SMARCA4: variants seen among roughly 807,000 people sequenced by gnomAD.
SMARCA4 encodes the protein SWI/SNF-related matrix-associated actin-dependent regulator of chromatin subfamily A member 4.
SMARCA4 carries 31 observed loss-of-function variants against 193.9 expected under a neutral mutation model. The ratio of observed to expected loss-of-function variants is 0.16; its 90% CI spans 0.12 to 0.22. The LOEUF (loss-of-function observed/expected upper bound fraction) is 0.22. Ranked by LOEUF, SMARCA4 falls within the 10% of genes least tolerant of loss-of-function variation. SMARCA4 has a pLI of 1.00. For synonymous variants in SMARCA4, 942 were observed against 933.1 expected (o/e 1.01, Z -0.17); for missense variants, 1,148 against 2,296.0 (o/e 0.50, Z 10.22).
chr19:11,046,948 C>CAAAAAAAAAAAAAAAAA (rs35450843), intron 30 of SMARCA4, among the ~76,000 whole-genome samples: 1 of 91,840 alleles, frequency 1.1e-5, no homozygotes, highest in African/African-American at 4.2e-5. Flanking sequence ...GACCCTGTTG[C>CAAAAAAAAAAAAAAAAA]AAAAAAAAAA....
intron 14 of SMARCA4, chr19:11,008,248 A>T (rs954343274): frequency 1.7e-5 from 8 of 484,748 alleles, no homozygotes; most frequent in African/African-American, 1.5e-4. Context: ...TACGAGGTAC[A>T]GTCAGGTGTG....
At chr19:10,977,021 C>T (rs1246784090) in intron 1 of SMARCA4, among the ~76,000 whole-genome samples, 5 of 150,658 alleles carry the variant, frequency 3.3e-5, no homozygotes, top group South Asian at 2.1e-4. Flanking sequence ...CGCACCACTG[C>T]GCTAAGCCTG....
In SMARCA4 at chr19:10,985,415, T is replaced by G; in HGVS notation, c.355+10T>G. 6.2e-7 allele frequency: 1 copy of G among 1,613,588 alleles called. No homozygotes were observed. The highest frequency in any genetic ancestry group is 1.1e-5 in the South Asian group (1 of 91,024). On this transcript the variant is annotated intron_variant, in intron 3 of 34. Coordinates refer to ENST00000344626, the MANE Select transcript of SMARCA4 (RefSeq NM_003072.5). The surrounding 1 kb of genome is among the most constrained non-coding windows in gnomAD (Gnocchi z 4.5). ...GACCAGCACTCCCAAGGTACAGAAC[T>G]GCGTTCCTTCCTGCCTTGTGTTTGT...
At chr19:11,059,086 G>A in intron 32 of SMARCA4, 197 bp downstream of exon 32, 1 of 584,980 alleles carries the variant, frequency 1.7e-6, no homozygotes, top group Non-Finnish European at 3.1e-6. Context: ...ACCAGCCTGG[G>A]CAACATAACA....
At chr19:10,966,898 A>G (rs1284433146) in intron 1 of SMARCA4, among the ~76,000 whole-genome samples, 1 of 144,850 alleles carries the variant, frequency 6.9e-6, no homozygotes, top group East Asian at 2.1e-4. Flanking sequence ...TACAAAAGAA[A>G]AAAAAAAAGC....
chr19:10,966,282 C>A (rs1030331995), intron 1 of SMARCA4, among the ~76,000 whole-genome samples: 3 of 152,124 alleles, frequency 2.0e-5, no homozygotes, highest in African/African-American at 7.2e-5. Context: ...CCGCGCCCGG[C>A]CAGGTTTTTA....
At chr19:11,023,661 G>A (rs953236956) in intron 20 of SMARCA4, 30 bp downstream of exon 20, 11 of 1,396,108 alleles carry the variant, frequency 7.9e-6, no homozygotes, top group Non-Finnish European at 1.1e-5. Context: ...AGCCACCAGT[G>A]AAGCAGCCTC....
At position 10,991,236 on chromosome 19, in the gene SMARCA4, C is replaced by A; in HGVS notation, c.1332C>A (p.Arg444=). 1 of 1,613,638 alleles carries A rather than the reference C, an allele frequency of 6.2e-7. No homozygotes were observed. The highest frequency in any genetic ancestry group is 8.5e-7 in the Non-Finnish European group (1 of 1,179,914). The part of the protein sequence containing the change: ...LNAKAYKRSK[R]QSLREARITE... The stretch of plus-strand genomic sequence containing the variant: ...CTAAGGCCTACAAGCGCAGCAAGCG[C>A]CAGTCCCTGCGCGAGGCCCGCATCA... Residue 444 remains arginine (R), a synonymous_variant, in exon 8 of 35, where the codon CGC becomes CGA. Coordinates refer to ENST00000344626, the MANE Select transcript of SMARCA4 (RefSeq NM_003072.5).
In SMARCA4 at chr19:11,030,412, G is replaced by T. The variant is rs1323903145; in HGVS notation, c.3383-318G>T. On this transcript the variant is annotated intron_variant, in intron 24 of 34. Coordinates refer to ENST00000344626, the MANE Select transcript of SMARCA4 (RefSeq NM_003072.5). This position sits in a 1 kb window ranked among gnomAD's most constrained non-coding sequence, Gnocchi z 5.5. Reference sequence around the variant, plus strand: ...AGAATCCAGGGCTGTGGTGGTGGTGGCTGTGCTGACGCTGGACGCTGTGGC... The same window carrying T: ...AGAATCCAGGGCTGTGGTGGTGGTGTCTGTGCTGACGCTGGACGCTGTGGC... Among the ~76,000 whole-genome samples the T allele has an allele frequency of 6.6e-6, 1 of 152,224 alleles. No homozygotes were observed. Among genetic ancestry groups the T allele is most frequent in the African/African-American group, 2.4e-5 (1 of 41,470 alleles).
chr19:11,005,987 T>C (rs796473547), intron 13 of SMARCA4, among the ~76,000 whole-genome samples: 1 of 152,236 alleles, frequency 6.6e-6, no homozygotes, highest in South Asian at 2.1e-4. Flanking sequence ...AGCATGTCTG[T>C]ACCAGCTCTG....
At chr19:10,963,792 G>C (rs2084000170) in intron 1 of SMARCA4, among the ~76,000 whole-genome samples, 1 of 149,916 alleles carries the variant, frequency 6.7e-6, no homozygotes, top group Non-Finnish European at 1.5e-5. Context: ...TTGAGACGGA[G>C]TCTCGCTCTG....
Position 10,986,946 on chromosome 19 carries a change from G to A in SMARCA4, c.802G>A (p.Val268Met), listed in dbSNP as rs768522438. The A allele has an allele frequency of 2.1e-5, 34 of 1,611,358 alleles. No homozygotes were observed. Among genetic ancestry groups the A allele is most frequent in the Middle Eastern group, 1.6e-4 (1 of 6,062 alleles). The change falls in exon 5 of 35, where the codon GTG becomes ATG. Residue 268 changes from valine (V) to methionine (M), a missense_variant. By Grantham distance (21) the Val-to-Met change is conservative. Transcript: ENST00000344626. This position sits in a 1 kb window ranked among gnomAD's most constrained non-coding sequence, Gnocchi z 6.7. ...PNMPPPGPSGVPPGMPGQPPG... is the reference protein window; with the variant it reads ...PNMPPPGPSGMPPGMPGQPPG... ...CATGCCTCCCCCAGGACCCTCGGGC[G>A]TGCCCCCCGGGATGCCAGGCCAGCC... is the stretch of plus-strand genomic sequence containing the variant.
rs775978879 is a variant in SMARCA4, at chr19:11,024,446, C to T, written c.3081+8C>T. ...TCCGAGAAGGACAAGAAGGTGGGCC[C>T]CAGAGTCCCCCAACTGCATTCCCCA... On this transcript the variant is annotated splice_region_variant and intron_variant, in intron 21 of 34. Transcript: ENST00000344626. The T allele has an allele frequency of 4.2e-5, 66 of 1,580,378 alleles. No individual in the cohort carries two copies. The highest frequency in any genetic ancestry group is 5.5e-5 in the Non-Finnish European group (63 of 1,150,612).
intron 21 of SMARCA4, among the ~76,000 whole-genome samples, chr19:11,024,715 C>T (rs535785851): frequency 6.6e-6 from 1 of 152,246 alleles, no homozygotes; most frequent in Admixed American, 6.5e-5. Context: ...TTCTAGAATG[C>T]CCCCCTTCTC....
chr19:11,015,212 A>G (rs1006977280), intron 16 of SMARCA4, among the ~76,000 whole-genome samples: 1 of 152,226 alleles, frequency 6.6e-6, no homozygotes, highest in African/African-American at 2.4e-5. Context: ...CAATTATGAA[A>G]ACCAGGAAGA....
chr19:10,979,259 A>G (rs1599887871), intron 1 of SMARCA4, among the ~76,000 whole-genome samples: 2 of 152,154 alleles, frequency 1.3e-5, no homozygotes, highest in African/African-American at 4.8e-5. Flanking sequence ...TGGACACCCA[A>G]GAAGAACCAA....
chr19:11,040,419 C>T (rs1320884515), intron 29 of SMARCA4: 1 of 151,716 alleles, frequency 6.6e-6, no homozygotes, highest in Non-Finnish European at 1.5e-5. Flanking sequence ...TGGTGAAACC[C>T]TGTCTCTACT....
At chr19:11,001,659 T>TC (rs139901261) in intron 11 of SMARCA4, among the ~76,000 whole-genome samples, 10,440 of 152,100 alleles carry the variant, frequency 0.069, 402 homozygotes, top group South Asian at 0.11. Context: ...GAGGTTGCTC[T>TC]TATGGTGGCC....
intron 24 of SMARCA4, 146 bp downstream of exon 24, chr19:11,028,096 G>A (rs1185135047): frequency 1.1e-6 from 1 of 874,592 alleles, no homozygotes; most frequent in African/African-American, 1.6e-5. Context: ...GCCACAGGCT[G>A]AGCATCTTGG....
Sources: allele counts gnomAD v4.1 joint callset (sites outside exome capture counted in the v4.1 genomes callset), GRCh38; gene constraint gnomAD v4.1.1; non-coding constraint Gnocchi (gnomAD v3.1); transcripts MANE v1.5; gene names NCBI Gene and HGNC (gene_info 2026-07-23, HGNC 2026-07-21).